ZNF420: variants seen among roughly 807,000 people sequenced by gnomAD.
ZNF420 encodes ATM and p53-associated KZNF protein.
In ZNF420, 31 loss-of-function variants were observed where a neutral mutation model predicts 44.7. The ratio of observed to expected loss-of-function variants is 0.69; its 90% CI spans 0.52 to 0.94. The LOEUF (loss-of-function observed/expected upper bound fraction) is 0.94. ZNF420 is among the 40% of genes least tolerant of loss of function. ZNF420 has a pLI of 0.00. For missense variants in ZNF420, 681 were observed against 827.9 expected (o/e 0.82, Z 2.18); for synonymous variants, 245 against 267.4 (o/e 0.92, Z 0.82).
chr19:37,086,730 C>A (rs1168335959), intron 2 of ZNF420, among the ~76,000 whole-genome samples: 1 of 152,086 alleles, frequency 6.6e-6, no homozygotes, highest in Non-Finnish European at 1.5e-5. Context: ...GCTAGTATTT[C>A]TCTTTATCTT....
At chr19:37,016,712 A>C (rs1391385385) in intron 1 of ZNF420, among the ~76,000 whole-genome samples, 1 of 152,128 alleles carries the variant, frequency 6.6e-6, no homozygotes, top group Non-Finnish European at 1.5e-5. Flanking sequence ...GAGAAGCAGG[A>C]GCTTCTGGCA....
rs1182063968 is a variant in ZNF420, at chr19:37,020,439, C to T, written c.-125+12357C>T. 2.6e-5 allele frequency among the ~76,000 whole-genome samples: 4 copies of T among 152,136 alleles called. No individual in the cohort carries two copies. In the South Asian group the frequency reaches 6.2e-4, roughly 24 times the overall value. On this transcript the variant is annotated intron_variant, in intron 1 of 4. Transcript: ENST00000587029. ...AAATATTCCAAACTTGCAATAAGCTCTCACTCCCTAAACCCTTAAATATCC... is the reference window on the plus strand; with the variant it reads ...AAATATTCCAAACTTGCAATAAGCTTTCACTCCCTAAACCCTTAAATATCC...
intron 1 of ZNF420, among the ~76,000 whole-genome samples, chr19:37,040,233 A>G (rs1182709184): frequency 1.3e-5 from 2 of 152,174 alleles, no homozygotes; most frequent in Admixed American, 6.5e-5. Context: ...TTGCACTATT[A>G]TATCATAGAG....
intron 4 of ZNF420, among the ~76,000 whole-genome samples, chr19:37,119,858 AC>A (rs1258422341): frequency 6.6e-6 from 1 of 152,148 alleles, no homozygotes; most frequent in Non-Finnish European, 1.5e-5. Flanking sequence ...ATGCAAATAA[AC>A]TAGAAAATCT....
chr19:37,071,347 C>A (rs200229938), intron 1 of ZNF420, among the ~76,000 whole-genome samples: 1 of 152,040 alleles, frequency 6.6e-6, no homozygotes, highest in Non-Finnish European at 1.5e-5. Context: ...ATATAAAACT[C>A]AAAAACATCC....
chr19:37,009,575 A>G (rs573625474), intron 1 of ZNF420, among the ~76,000 whole-genome samples: 1 of 152,190 alleles, frequency 6.6e-6, no homozygotes, highest in African/African-American at 2.4e-5. Context: ...TCTTGTTTGC[A>G]TGTCTCCTGG....
chr19:37,124,888 G>A (rs1971261149), intron 4 of ZNF420, among the ~76,000 whole-genome samples: 1 of 151,758 alleles, frequency 6.6e-6, no homozygotes, highest in South Asian at 2.1e-4. Flanking sequence ...CCAGGCTGGT[G>A]TGCAGTGGCA....
At chr19:37,113,128 C>T (rs1029489129) in intron 4 of ZNF420, among the ~76,000 whole-genome samples, 4 of 152,192 alleles carry the variant, frequency 2.6e-5, no homozygotes, top group African/African-American at 7.2e-5. Flanking sequence ...CCCCTCTTCT[C>T]GTTTCCCGAC....
At chr19:37,094,028 G>T (rs1969302905) in intron 4 of ZNF420, among the ~76,000 whole-genome samples, 1 of 152,104 alleles carries the variant, frequency 6.6e-6, no homozygotes, top group Non-Finnish European at 1.5e-5. Flanking sequence ...AATAGCTACG[G>T]TCTTTTAAAA....
intron 1 of ZNF420, among the ~76,000 whole-genome samples, chr19:37,037,704 C>T (rs1213757309): frequency 6.7e-6 from 1 of 150,352 alleles, no homozygotes; most frequent in African/African-American, 2.4e-5. Context: ...TGGCAGCAGC[C>T]TCAATAGCAT....
At chr19:37,086,053 C>T (rs112788565) in intron 2 of ZNF420, among the ~76,000 whole-genome samples, 1,602 of 151,860 alleles carry the variant, frequency 0.011, 30 homozygotes, top group African/African-American at 0.037. Flanking sequence ...CTTCCTGCCT[C>T]GGCCTCCCCA....
intron 1 of ZNF420, among the ~76,000 whole-genome samples, chr19:37,029,116 T>C (rs2146394231): frequency 6.6e-6 from 1 of 152,258 alleles, no homozygotes; most frequent in Non-Finnish European, 1.5e-5. Flanking sequence ...ACTAAGAGGG[T>C]CCAAGATTCA....
rs62109888 is a variant in ZNF420 at position 37,053,674 on chromosome 19, G to A, written c.-124-26671G>A. ...TCAGCAGTGGAGGCTGCCGAACAGCGGATATTGGTGAGCAGCAGATGTTGC... is the reference window on the plus strand; with the variant it reads ...TCAGCAGTGGAGGCTGCCGAACAGCAGATATTGGTGAGCAGCAGATGTTGC... On this transcript the variant is annotated intron_variant, in intron 1 of 4. Coordinates refer to the ZNF420 transcript ENST00000587029. Among the ~76,000 whole-genome samples the A allele has an allele frequency of 2.6e-3, 395 of 152,194 alleles. 3 individuals carry two copies. Among genetic ancestry groups the A allele is most frequent in the Middle Eastern group, 6.8e-3 (2 of 294 alleles).
chr19:37,012,465 AC>A (rs1420977229), intron 1 of ZNF420, among the ~76,000 whole-genome samples: 1 of 152,090 alleles, frequency 6.6e-6, no homozygotes, highest in Non-Finnish European at 1.5e-5. Flanking sequence ...CTCCGGCCTG[AC>A]CTCTCCAGGG....
chr19:37,083,571 T>C lies in ZNF420; in HGVS notation c.-81+3183T>C, dbSNP rs184860723. Among the ~76,000 whole-genome samples, 768 of 152,358 alleles carry C rather than the reference T, an allele frequency of 5.0e-3. 10 individuals are homozygous for C. The highest frequency in any genetic ancestry group is 0.017 in the African/African-American group (718 of 41,580). On this transcript the variant is annotated intron_variant, in intron 2 of 4. Coordinates refer to ENST00000337995, the MANE Select transcript of ZNF420 (RefSeq NM_144689.5). ...TTTCGATCTGTGACAATAACTGTTC[T>C]TATTAATGCTCACATTGTTCCATGT...
chr19:37,116,527 C>T (rs532192412), intron 4 of ZNF420, among the ~76,000 whole-genome samples: 33 of 152,170 alleles, frequency 2.2e-4, no homozygotes, highest in South Asian at 1.9e-3. Flanking sequence ...CCAGCATGAA[C>T]GACGCAGAAG....
intron 1 of ZNF420, among the ~76,000 whole-genome samples, chr19:37,048,652 T>C (rs1460841219): frequency 1.3e-5 from 2 of 152,214 alleles, no homozygotes; most frequent in Non-Finnish European, 2.9e-5. Context: ...ATTCCTCAGA[T>C]GAGAGTGGAC....
chr19:37,019,297 A>G (rs1351997169), intron 1 of ZNF420, among the ~76,000 whole-genome samples: 1 of 152,232 alleles, frequency 6.6e-6, no homozygotes, highest in Non-Finnish European at 1.5e-5. Context: ...ACTAATTATT[A>G]GGGAAATGCT....
At chr19:37,014,466 C>G (rs908070125) in intron 1 of ZNF420, among the ~76,000 whole-genome samples, 1 of 152,184 alleles carries the variant, frequency 6.6e-6, no homozygotes, top group Admixed American at 6.5e-5. Context: ...GTGCCCACCT[C>G]ACGGTCTGAA....
Sources: allele counts gnomAD v4.1 joint callset (sites outside exome capture counted in the v4.1 genomes callset), GRCh38; gene constraint gnomAD v4.1.1; transcripts MANE v1.5; gene names NCBI Gene and HGNC (gene_info 2026-07-23, HGNC 2026-07-21).